Variants in DNM3 observed in about 807,000 individuals in gnomAD.
The protein encoded by DNM3 is dynamin 3, also known as dynamin-3.
In DNM3, 47 loss-of-function variants were observed where a neutral mutation model predicts 101.6. The observed-to-expected ratio is 0.46, with a 90% CI of 0.37 to 0.59. The LOEUF is 0.59. Among genes scored for constraint, DNM3 ranks in the 20% least tolerant of loss-of-function variants. The pLI is 0.00. For missense variants in DNM3, 849 were observed against 1,085.7 expected (o/e 0.78, Z 3.06); for synonymous variants, 385 against 387.9 (o/e 0.99, Z 0.09).
At chr1:171,853,015 T>C (rs1414421150) in intron 1 of DNM3, among the ~76,000 whole-genome samples, 1 of 152,202 alleles carries the variant, frequency 6.6e-6, no homozygotes, top group Non-Finnish European at 1.5e-5. Flanking sequence ...AATGACAGAC[T>C]TATAAAAGAG....
At chr1:171,963,406 A>G (rs1309121890) in intron 2 of DNM3, among the ~76,000 whole-genome samples, 1 of 152,088 alleles carries the variant, frequency 6.6e-6, no homozygotes, top group East Asian at 1.9e-4. Context: ...ATCTCAGAGG[A>G]TTTTTAGGGC....
intron 14 of DNM3, among the ~76,000 whole-genome samples, chr1:172,206,411 A>T (rs1486089882): frequency 6.6e-6 from 1 of 152,178 alleles, no homozygotes; most frequent in East Asian, 1.9e-4. Flanking sequence ...GAAATGTTTT[A>T]TGTCTACTTC....
chr1:171,969,567 A>G (rs1370582207), intron 2 of DNM3, among the ~76,000 whole-genome samples: 3 of 152,160 alleles, frequency 2.0e-5, no homozygotes, highest in African/African-American at 7.2e-5. Context: ...TGGGATTCCT[A>G]GAAACGGGGG....
intron 4 of DNM3, among the ~76,000 whole-genome samples, chr1:172,026,058 G>GA (rs2048180870): frequency 6.6e-6 from 1 of 152,014 alleles, no homozygotes; most frequent in African/African-American, 2.4e-5. Context: ...CAAGAACCTT[G>GA]AAAAAATTTT....
At chr1:171,853,918 C>T (rs1034169191) in intron 1 of DNM3, among the ~76,000 whole-genome samples, 1 of 152,130 alleles carries the variant, frequency 6.6e-6, no homozygotes, top group South Asian at 2.1e-4. Flanking sequence ...CTTTGTTTTC[C>T]ACTCCTCCCA....
intron 2 of DNM3, among the ~76,000 whole-genome samples, chr1:171,928,816 A>G (rs1475367018): frequency 6.6e-6 from 1 of 152,154 alleles, no homozygotes; most frequent in Non-Finnish European, 1.5e-5. Flanking sequence ...ATGGGCACCC[A>G]TCTAACAGTC....
At chr1:172,318,993 C>G (rs2065550199) in intron 16 of DNM3, among the ~76,000 whole-genome samples, 1 of 151,762 alleles carries the variant, frequency 6.6e-6, no homozygotes, top group Non-Finnish European at 1.5e-5. Flanking sequence ...AACTATACTA[C>G]AAGGCTACAG....
intron 14 of DNM3, among the ~76,000 whole-genome samples, chr1:172,155,229 CATACATACCTATGTTTAGGAGT>C (rs1305186754): frequency 6.6e-6 from 1 of 151,302 alleles, no homozygotes; most frequent in South Asian, 2.1e-4. Context: ...ATGACCAAAT[CATACATACCTATGTTTAGGAGT>C]AATAAACATG....
chr1:172,329,033 G>A (rs1293103374), intron 17 of DNM3, among the ~76,000 whole-genome samples: 2 of 148,360 alleles, frequency 1.3e-5, no homozygotes, highest in East Asian at 3.9e-4. Context: ...AACCCTTACA[G>A]AGTATTTCTA....
intron 12 of DNM3, among the ~76,000 whole-genome samples, chr1:172,092,350 A>G (rs185338082): frequency 6.6e-6 from 1 of 152,338 alleles, no homozygotes; most frequent in East Asian, 1.9e-4. Context: ...ACTACCACTT[A>G]TTAGCTGAGT....
intron 14 of DNM3, among the ~76,000 whole-genome samples, chr1:172,209,290 C>T (rs1361447805): frequency 6.6e-6 from 1 of 151,876 alleles, no homozygotes; most frequent in African/African-American, 2.4e-5. Context: ...GAAATCAAAC[C>T]TGCTGACACC....
intron 14 of DNM3, among the ~76,000 whole-genome samples, chr1:172,209,377 T>C (rs1226703036): frequency 2.0e-5 from 3 of 151,968 alleles, no homozygotes; most frequent in Non-Finnish European, 2.9e-5. Flanking sequence ...CTGTGGTGTA[T>C]TGTTATGGTA....
intron 15 of DNM3, among the ~76,000 whole-genome samples, chr1:172,271,052 C>A (rs896907200): frequency 4.6e-5 from 7 of 152,098 alleles, no homozygotes; most frequent in Non-Finnish European, 1.0e-4. Flanking sequence ...AAATAAGTTG[C>A]TCTATCATCA....
At chr1:172,259,000 T>C (rs879770678) in intron 15 of DNM3, among the ~76,000 whole-genome samples, 1 of 152,088 alleles carries the variant, frequency 6.6e-6, no homozygotes, top group Non-Finnish European at 1.5e-5. Flanking sequence ...ATTTTTCTCT[T>C]GACTCAATTG....
At chr1:172,301,583 A>G (rs910020578) in intron 15 of DNM3, among the ~76,000 whole-genome samples, 2 of 152,220 alleles carry the variant, frequency 1.3e-5, no homozygotes, top group African/African-American at 4.8e-5. Context: ...ATAGTAGTAA[A>G]TGTGACAAGT....
intron 17 of DNM3, among the ~76,000 whole-genome samples, chr1:172,366,366 T>G (rs549239530): frequency 2.4e-4 from 37 of 152,064 alleles, no homozygotes; most frequent in Admixed American, 1.1e-3. Context: ...GTATTAGCCC[T>G]CCAAAAAACT....
intron 17 of DNM3, among the ~76,000 whole-genome samples, chr1:172,326,557 A>G (rs752252582): frequency 6.6e-6 from 1 of 151,988 alleles, no homozygotes; most frequent in African/African-American, 2.4e-5. Context: ...ATTAACCTCC[A>G]TGTTGTGTCT....
At chr1:172,233,173 C>T (rs2061404261) in intron 14 of DNM3, among the ~76,000 whole-genome samples, 1 of 152,006 alleles carries the variant, frequency 6.6e-6, no homozygotes, top group South Asian at 2.1e-4. Flanking sequence ...AGAGAAGAAT[C>T]AAATAGATGC....
chr1:172,026,875 G>T (rs544857338), intron 4 of DNM3, among the ~76,000 whole-genome samples: 5 of 152,126 alleles, frequency 3.3e-5, no homozygotes, highest in Admixed American at 2.6e-4. Context: ...GGATGGTCTC[G>T]ATCTCCTGAC....
Sources: gnomAD v4.1 joint callset for allele counts (sites outside exome capture counted in the v4.1 genomes callset) on GRCh38, gnomAD v4.1.1 for gene constraint, MANE v1.5 for transcripts, NCBI Gene and HGNC (gene_info 2026-07-23, HGNC 2026-07-21) for gene names.